PBX1: variants seen among roughly 807,000 people sequenced by gnomAD.
PBX1 encodes pre-B-cell leukemia transcription factor 1.
Under a neutral mutation model 53.4 loss-of-function variants are expected in PBX1, and 6 were observed. The ratio of observed to expected loss-of-function variants is 0.11; its 90% CI spans 0.06 to 0.22. The LOEUF (loss-of-function observed/expected upper bound fraction) is 0.22. PBX1 is among the 10% of genes least tolerant of loss of function. The pLI, the probability that PBX1 is intolerant of heterozygous loss-of-function variation, is 1.00. For synonymous variants in PBX1, 204 were observed against 212.3 expected (o/e 0.96, Z 0.34); for missense variants, 251 against 551.4 (o/e 0.46, Z 5.46).
intron 2 of PBX1, among the ~76,000 whole-genome samples, chr1:164,572,124 C>T (rs1045389163): frequency 2.0e-5 from 3 of 151,548 alleles, no homozygotes; most frequent in Admixed American, 6.6e-5. Flanking sequence ...CCAGGCTGGT[C>T]TCGAACTCCT....
intron 2 of PBX1, among the ~76,000 whole-genome samples, chr1:164,716,251 A>G (rs765582471): frequency 2.6e-5 from 4 of 152,206 alleles, no homozygotes; most frequent in African/African-American, 4.8e-5. Flanking sequence ...TAAATGCCAC[A>G]TCGTTCCTTC....
chr1:164,759,163 A>G (rs1222368946), intron 2 of PBX1, among the ~76,000 whole-genome samples: 1 of 152,200 alleles, frequency 6.6e-6, no homozygotes, highest in East Asian at 1.9e-4. Context: ...TATCTAAAAA[A>G]ATATGCCTTT....
At chr1:164,697,061 G>A (rs1662838619) in intron 2 of PBX1, among the ~76,000 whole-genome samples, 1 of 152,096 alleles carries the variant, frequency 6.6e-6, no homozygotes, top group Non-Finnish European at 1.5e-5. Context: ...TACTTCATGG[G>A]GTTTGGTGAA....
chr1:164,803,656 G>A (rs1402529472), intron 4 of PBX1, among the ~76,000 whole-genome samples: 1 of 152,158 alleles, frequency 6.6e-6, no homozygotes. Flanking sequence ...AAATTGTTCA[G>A]AGCATGTGTA....
chr1:164,823,697 G>T (rs536695701), intron 8 of PBX1, among the ~76,000 whole-genome samples: 3 of 152,078 alleles, frequency 2.0e-5, no homozygotes, highest in East Asian at 1.9e-4. Context: ...AACCAAACAT[G>T]TGCAGACAAT....
At chr1:164,713,130 CTG>C (rs1198287013) in intron 2 of PBX1, among the ~76,000 whole-genome samples, 3 of 152,190 alleles carry the variant, frequency 2.0e-5, no homozygotes, top group Admixed American at 6.5e-5. Flanking sequence ...TCGTTAATGA[CTG>C]ACACTAAACC....
chr1:164,582,524 G>A (rs1370991043), intron 2 of PBX1, among the ~76,000 whole-genome samples: 1 of 151,658 alleles, frequency 6.6e-6, no homozygotes, highest in Non-Finnish European at 1.5e-5. Context: ...CTGGGTTCAA[G>A]CAATTCTCCT....
chr1:164,858,163 T>C (rs60748397), intron 2 of PBX1, among the ~76,000 whole-genome samples: 1,933 of 152,206 alleles, frequency 0.013, 44 homozygotes, highest in African/African-American at 0.044. Flanking sequence ...TCATTTCTTA[T>C]TCACTTTTCC....
At chr1:164,619,036 C>A (rs1205865789) in intron 2 of PBX1, among the ~76,000 whole-genome samples, 1 of 152,066 alleles carries the variant, frequency 6.6e-6, no homozygotes, top group Non-Finnish European at 1.5e-5. Flanking sequence ...AACCAGTAAG[C>A]AGAGAAAAGG....
At chr1:164,868,282 G>A (rs987621470) in intron 2 of PBX1, among the ~76,000 whole-genome samples, 4 of 152,068 alleles carry the variant, frequency 2.6e-5, no homozygotes, top group Non-Finnish European at 5.9e-5. Flanking sequence ...GCAGCTCCAC[G>A]CAGTGGGCAG....
intron 2 of PBX1, among the ~76,000 whole-genome samples, chr1:164,638,961 A>C (rs1658954706): frequency 6.6e-6 from 1 of 152,228 alleles, no homozygotes; most frequent in Non-Finnish European, 1.5e-5. Flanking sequence ...ATGAGTAGGT[A>C]CTGCCTGCCC....
In PBX1 at chr1:164,847,564, A is replaced by C; in HGVS notation, c.*888A>C. On this transcript the variant is annotated 3_prime_UTR_variant, in exon 9 of 9. Transcript: ENST00000420696. ...TAGGCATGGTGATGAATGCATCAGC[A>C]AGGAATAGAAAGTTCTTATCGTGAA... 1 of 1,062,934 alleles carries C rather than the reference A, an allele frequency of 9.4e-7. No individual in the cohort carries two copies. The highest frequency in any genetic ancestry group is 1.1e-6 in the Non-Finnish European group (1 of 877,872). The allele number at this position is 1,062,934 out of a possible 1,614,324, so 65.8% of individuals were successfully genotyped here.
At chr1:164,860,333 T>C (rs1438663204) in intron 2 of PBX1, among the ~76,000 whole-genome samples, 3 of 152,190 alleles carry the variant, frequency 2.0e-5, no homozygotes, top group Non-Finnish European at 4.4e-5. Context: ...TTAAAGAATG[T>C]ATGTAGATTT....
intron 2 of PBX1, among the ~76,000 whole-genome samples, chr1:164,578,546 T>C (rs1236438543): frequency 2.0e-5 from 3 of 152,178 alleles, no homozygotes; most frequent in Non-Finnish European, 4.4e-5. Flanking sequence ...TGACAGAGAC[T>C]GAAAAATACA....
intron 2 of PBX1, among the ~76,000 whole-genome samples, chr1:164,573,442 G>A (rs770131520): frequency 6.7e-6 from 1 of 148,748 alleles, no homozygotes; most frequent in Non-Finnish European, 1.5e-5. Context: ...TGTCTATGCT[G>A]AGGCTTTGAA....
intron 2 of PBX1, among the ~76,000 whole-genome samples, chr1:164,863,646 C>A (rs903992100): frequency 6.6e-6 from 1 of 152,162 alleles, no homozygotes; most frequent in African/African-American, 2.4e-5. Context: ...GAAGTTGCCT[C>A]TCAGGCTATA....
At chr1:164,870,352 T>TTC (rs1558053901) in intron 2 of PBX1, among the ~76,000 whole-genome samples, 6 of 97,442 alleles carry the variant, frequency 6.2e-5, no homozygotes, top group African/African-American at 2.0e-4. Context: ...TTTCTTTCTT[T>TTC]CTTTCTTTCG....
rs544986538 is a variant in PBX1 at position 164,654,287 on chromosome 1, C to T, written c.265+90976C>T. Among the ~76,000 whole-genome samples, 4 of 152,250 alleles carry T rather than the reference C, an allele frequency of 2.6e-5. No homozygotes were observed. In the South Asian group the frequency reaches 8.3e-4, roughly 32 times the overall value. ...CCTTGAACCAAAAAGGTAGGATGTG[C>T]GTGTGTATTTCCAGGGTCTCTATGA... is the stretch of plus-strand genomic sequence containing the variant. On this transcript the variant is annotated intron_variant, in intron 2 of 8. Coordinates refer to ENST00000420696, the MANE Select transcript of PBX1 (RefSeq NM_002585.4).
chr1:164,656,654 G>A (rs567133829), intron 2 of PBX1, among the ~76,000 whole-genome samples: 1 of 152,048 alleles, frequency 6.6e-6, no homozygotes, highest in African/African-American at 2.4e-5. Flanking sequence ...ATTGAGTGAT[G>A]GCTATAGAGG....
Sources: allele counts gnomAD v4.1 joint callset (sites outside exome capture counted in the v4.1 genomes callset), GRCh38; gene constraint gnomAD v4.1.1; transcripts MANE v1.5; gene names NCBI Gene and HGNC (gene_info 2026-07-23, HGNC 2026-07-21).